Variants in CLMN observed in about 807,000 individuals in gnomAD.
The protein encoded by CLMN is calmin, also known as calmin (calponin-like, transmembrane).
CLMN carries 57 observed loss-of-function variants against 92.7 expected under a neutral mutation model. The ratio of observed to expected loss-of-function variants is 0.61; its 90% CI spans 0.50 to 0.77. CLMN has a LOEUF of 0.77. Among genes scored for constraint, CLMN ranks in the 30% least tolerant of loss-of-function variants. The pLI is 0.00. For missense variants in CLMN, 1,158 were observed against 1,237.5 expected (o/e 0.94, Z 0.96); for synonymous variants, 466 against 470.6 (o/e 0.99, Z 0.13).
At chr14:95,251,323 C>A (rs187508683) in intron 1 of CLMN, among the ~76,000 whole-genome samples, 35 of 152,298 alleles carry the variant, frequency 2.3e-4, no homozygotes, top group Admixed American at 9.8e-4. Context: ...ATCCCATATT[C>A]TCACCGGCCA....
rs1283758038 is a variant in CLMN at position 95,189,101 on chromosome 14, A to G, written c.*2463T>C. 1 of 152,218 alleles carries G rather than the reference A, an allele frequency of 6.6e-6. No individual in the cohort carries two copies. The highest frequency in any genetic ancestry group is 1.9e-4 in the East Asian group (1 of 5,204). The allele number at this position is 152,218 out of a possible 1,614,324, so 9.4% of individuals were successfully genotyped here. A position where few individuals can be genotyped will look rare whatever the true frequency, so the allele number is the denominator to read the frequency against. On this transcript the variant is annotated 3_prime_UTR_variant, in exon 13 of 13. Coordinates refer to ENST00000298912, the MANE Select transcript of CLMN (RefSeq NM_024734.4). ...GGAGTCAACAATCCTTAAGTGCTCCAGGTAATGTCAACACCTAATAGAAAT... is the reference window on the plus strand; with the variant it reads ...GGAGTCAACAATCCTTAAGTGCTCCGGGTAATGTCAACACCTAATAGAAAT...
At chr14:95,272,544 G>A (rs1435583770) in intron 1 of CLMN, among the ~76,000 whole-genome samples, 1 of 152,214 alleles carries the variant, frequency 6.6e-6, no homozygotes, top group East Asian at 1.9e-4. Flanking sequence ...CTGGACAATT[G>A]TGACATCTGG....
chr14:95,191,418 A>AC lies in CLMN; in HGVS notation c.*145_*146insG, dbSNP rs1354491333. 20 of 512,302 alleles carry AC rather than the reference A, an allele frequency of 3.9e-5. No individual in the cohort carries two copies. The East Asian group carries it at 5.5e-4, about 14-fold the overall frequency. The allele number at this position is 512,302 out of a possible 1,614,324, so 31.7% of individuals were successfully genotyped here. ...AAAAAGGAAACCTGAAAAAAAAAAA[A>AC]AAACCACAATAGCGAGAAAGGGGGT... On this transcript the variant is annotated 3_prime_UTR_variant, in exon 13 of 13. Coordinates refer to ENST00000298912, the MANE Select transcript of CLMN (RefSeq NM_024734.4). The surrounding 1 kb of genome is among the most constrained non-coding windows in gnomAD (Gnocchi z 5.3).
At position 95,186,732 on chromosome 14, in the gene CLMN, T is replaced by G. The variant is rs1438509409; in HGVS notation, c.*4832A>C. The G allele has an allele frequency of 6.6e-6, 1 of 152,220 alleles. No homozygotes were observed. The allele number at this position is 152,220 out of a possible 1,614,324, so 9.4% of individuals were successfully genotyped here. ...AGTGTATGCCACCACTAATTTAAAT[T>G]TAACTTTTTGTAGAGATGGAGTCTT... On this transcript the variant is annotated 3_prime_UTR_variant, in exon 13 of 13. Transcript: ENST00000298912.
chr14:95,257,486 T>A (rs968084790), intron 1 of CLMN, among the ~76,000 whole-genome samples: 48 of 152,260 alleles, frequency 3.2e-4, no homozygotes, highest in African/African-American at 1.1e-3. Context: ...ATCTCATTAA[T>A]TCAAATTAAA....
intron 3 of CLMN, chr14:95,222,436 T>C (rs1313265828): frequency 1.5e-5 from 6 of 390,788 alleles, no homozygotes; most frequent in Non-Finnish European, 3.1e-5. Context: ...TCCTCCAGGT[T>C]GGGGGAAGAT....
intron 1 of CLMN, among the ~76,000 whole-genome samples, chr14:95,269,880 C>A (rs910603569): frequency 3.3e-5 from 5 of 152,330 alleles, no homozygotes; most frequent in African/African-American, 1.2e-4. Context: ...TCCTCCCCCA[C>A]CCCAATCCAC....
Position 95,263,391 on chromosome 14 carries a change from T to C in CLMN, c.83-33258A>G, listed in dbSNP as rs1356479305. Among the ~76,000 whole-genome samples the C allele has an allele frequency of 2.0e-5, 3 of 152,296 alleles. No individual in the cohort carries two copies. The South Asian group carries it at 6.2e-4, about 32-fold the overall frequency. ...TTGGTCCCATGGCACGTGGGGATTA[T>C]GGGAACTACAATTCAAGATGAGATC... On this transcript the variant is annotated intron_variant, in intron 1 of 12. Coordinates refer to ENST00000298912, the MANE Select transcript of CLMN (RefSeq NM_024734.4).
chr14:95,231,464 C>G (rs936883836), intron 1 of CLMN, among the ~76,000 whole-genome samples: 1 of 152,174 alleles, frequency 6.6e-6, no homozygotes, highest in Non-Finnish European at 1.5e-5. Flanking sequence ...TCCCAAAGTA[C>G]TGGGATTACA....
chr14:95,296,923 G>A (rs760817376), intron 1 of CLMN, among the ~76,000 whole-genome samples: 2 of 152,172 alleles, frequency 1.3e-5, no homozygotes, highest in African/African-American at 2.4e-5. Context: ...CTCCAGGGCT[G>A]TGCACTTGAA....
chr14:95,319,775 C>T lies in CLMN; in HGVS notation c.18G>A (p.Trp6Ter). The change falls in exon 1 of 13, where the codon TGG (tryptophan) becomes TGA (stop). Residue 6 changes from tryptophan (W) to a stop codon, truncating the protein, a stop_gained. Transcript: ENST00000298912. LOFTEE classifies it high-confidence loss of function. MAAHE[W>*]DWFQREELIG... ...TGAGCTCCTCGCGTTGGAACCAGTC[C>T]CACTCGTGTGCAGCCATGAAGCGCG... 6.3e-7 allele frequency: 1 copy of T among 1,590,330 alleles called. No individual in the cohort carries two copies.
In CLMN at chr14:95,259,171, C is replaced by T. The variant is rs927893979; in HGVS notation, c.83-29038G>A. On this transcript the variant is annotated intron_variant, in intron 1 of 12. Transcript: ENST00000298912. This position sits in a 1 kb window ranked among gnomAD's most constrained non-coding sequence, Gnocchi z 4.3. ...CAGGGAGTTGGTGCTGCATGGCAGG[C>T]TGGAGCGGAGAGCTGTGCCGGCCAG... Among the ~76,000 whole-genome samples the T allele has an allele frequency of 5.9e-5, 9 of 151,942 alleles. No individual in the cohort carries two copies. The highest frequency in any genetic ancestry group is 2.2e-4 in the African/African-American group (9 of 41,324).
chr14:95,291,812 C>G (rs951783570), intron 1 of CLMN, among the ~76,000 whole-genome samples: 1 of 152,128 alleles, frequency 6.6e-6, no homozygotes, highest in Non-Finnish European at 1.5e-5. Flanking sequence ...TGGCCAACAG[C>G]AGTTAAGTCA....
intron 1 of CLMN, among the ~76,000 whole-genome samples, chr14:95,242,250 CTT>C (rs371417505): frequency 0.045 from 4,101 of 91,484 alleles, 55 homozygotes; most frequent in South Asian, 0.07. Context: ...TTTTCTTTTT[CTT>C]TTTTTTTTTT....
At chr14:95,219,923 A>G (rs970255785) in intron 4 of CLMN, among the ~76,000 whole-genome samples, 3 of 152,150 alleles carry the variant, frequency 2.0e-5, no homozygotes, top group African/African-American at 7.2e-5. Context: ...ATCCTCTCTA[A>G]AAGAAACCCT....
Position 95,196,562 on chromosome 14 carries a change from G to A in CLMN, c.2644C>T (p.Pro882Ser). ...TCATCTGAGGATTGAACACTTCCTG[G>A]TGCTACAAATAGTGAACTTTCTACG... Reference protein sequence around the residue: ...DHVESSLFVAPGSVQSSDDLE... With the variant: ...DHVESSLFVASGSVQSSDDLE... The change falls in exon 10 of 13, where the codon CCA becomes TCA. Residue 882 changes from proline to serine, a missense_variant. Pro to Ser is a moderately conservative substitution (Grantham distance 74). Coordinates refer to ENST00000298912, the MANE Select transcript of CLMN (RefSeq NM_024734.4). 1 of 1,614,218 alleles carries A rather than the reference G, an allele frequency of 6.2e-7. No individual in the cohort carries two copies. The highest frequency in any genetic ancestry group is 8.5e-7 in the Non-Finnish European group (1 of 1,180,036).
intron 1 of CLMN, among the ~76,000 whole-genome samples, chr14:95,292,954 A>C (rs1900634657): frequency 6.6e-6 from 1 of 152,176 alleles, no homozygotes; most frequent in African/African-American, 2.4e-5. Flanking sequence ...CAGGAGAAAG[A>C]AGTGGGTAAG....
chr14:95,283,716 G>T (rs1900228592), intron 1 of CLMN, among the ~76,000 whole-genome samples: 1 of 152,218 alleles, frequency 6.6e-6, no homozygotes, highest in South Asian at 2.1e-4. Flanking sequence ...TGAGAAAGAT[G>T]ATTTAGGTAT....
chr14:95,202,380 ATAT>A (rs1360413128), intron 9 of CLMN, among the ~76,000 whole-genome samples: 18 of 152,264 alleles, frequency 1.2e-4, no homozygotes, highest in African/African-American at 4.1e-4. Context: ...TTGGGCACTA[ATAT>A]TTGGTTTCTG....
Sources: allele counts gnomAD v4.1 joint callset (sites outside exome capture counted in the v4.1 genomes callset), GRCh38; gene constraint gnomAD v4.1.1; non-coding constraint Gnocchi (gnomAD v3.1); transcripts MANE v1.5; gene names NCBI Gene and HGNC (gene_info 2026-07-23, HGNC 2026-07-21).